The following CABIN1 variants were observed in gnomAD, a reference collection of about 807,000 sequenced individuals.
The protein encoded by CABIN1 is calcineurin binding protein 1.
A neutral mutation model predicts 227.7 loss-of-function variants in CABIN1; 133 were observed. That is an observed-to-expected ratio of 0.58 (90% CI 0.51 to 0.67). The LOEUF is 0.67. Among genes scored for constraint, CABIN1 ranks in the 30% least tolerant of loss-of-function variants. CABIN1 has a pLI of 0.00. For synonymous variants in CABIN1, 1,086 were observed against 1,155.1 expected (o/e 0.94, Z 1.21); for missense variants, 2,408 against 2,852.5 (o/e 0.84, Z 3.55).
At chr22:24,043,354 G>A (rs1601752670) in intron 6 of CABIN1, among the ~76,000 whole-genome samples, 1 of 82,126 alleles carries the variant, frequency 1.2e-5, no homozygotes. Flanking sequence ...TTGTTTGCTT[G>A]ACAGAAGTGG....
intron 12 of CABIN1, among the ~76,000 whole-genome samples, chr22:24,061,428 C>T (rs1026698613): frequency 6.6e-6 from 1 of 152,242 alleles, no homozygotes; most frequent in Non-Finnish European, 1.5e-5. Flanking sequence ...CTCAGGGCAA[C>T]CTCCTGGCAG....
chr22:24,086,194 C>A (rs2041149843), intron 22 of CABIN1, among the ~76,000 whole-genome samples: 2 of 152,258 alleles, frequency 1.3e-5, no homozygotes, highest in African/African-American at 4.8e-5. Flanking sequence ...ATAGAGCAGA[C>A]CTATCTATGC....
rs118183004 is a variant in CABIN1, at chr22:24,032,681, G to A, written c.-74-2763G>A. Reference sequence around the variant, plus strand: ...CTGGCTTTATTTTGCTTTGATAACAGCCTAGATGGAGGGTTTTAATGCTAT... The same window carrying A: ...CTGGCTTTATTTTGCTTTGATAACAACCTAGATGGAGGGTTTTAATGCTAT... On this transcript the variant is annotated intron_variant, in intron 1 of 36. Coordinates refer to ENST00000263119, the MANE Select transcript of CABIN1 (RefSeq NM_012295.4). Among the ~76,000 whole-genome samples the A allele has an allele frequency of 7.5e-3, 1,148 of 152,274 alleles. 6 individuals are homozygous for A. Among genetic ancestry groups the A allele is most frequent in the Non-Finnish European group, 0.011 (781 of 68,022 alleles).
chr22:24,115,832 C>G (rs2043050901), intron 27 of CABIN1, among the ~76,000 whole-genome samples: 1 of 152,218 alleles, frequency 6.6e-6, no homozygotes, highest in Non-Finnish European at 1.5e-5. Context: ...AGAGTCCTAC[C>G]ACCAGCCTGC....
intron 1 of CABIN1, among the ~76,000 whole-genome samples, chr22:24,029,616 C>T (rs1159484902): frequency 1.3e-5 from 2 of 152,110 alleles, no homozygotes; most frequent in East Asian, 3.8e-4. Context: ...TTCAAAGCCC[C>T]CACAGTCTTC....
chr22:24,025,983 G>T (rs2036059594), intron 1 of CABIN1, among the ~76,000 whole-genome samples: 1 of 152,124 alleles, frequency 6.6e-6, no homozygotes, highest in Non-Finnish European at 1.5e-5. Flanking sequence ...ACAGGCATGT[G>T]CCTCCACGCC....
At chr22:24,043,136 C>A in intron 6 of CABIN1, 52 bp downstream of exon 6, 1 of 1,565,228 alleles carries the variant, frequency 6.4e-7, no homozygotes, top group Non-Finnish European at 8.8e-7. Flanking sequence ...TTTGGAACAG[C>A]AGAGGAAAGG....
At chr22:24,116,166 A>T (rs1602169777) in intron 27 of CABIN1, among the ~76,000 whole-genome samples, 1 of 152,094 alleles carries the variant, frequency 6.6e-6, no homozygotes, top group African/African-American at 2.4e-5. Flanking sequence ...GCGGAAGCTC[A>T]CCTTTGCAGG....
chr22:24,177,442 GAT>G lies in CABIN1; in HGVS notation c.6206-60_6206-59del. On this transcript the variant is annotated intron_variant, in intron 35 of 36. Coordinates refer to ENST00000263119, the MANE Select transcript of CABIN1 (RefSeq NM_012295.4). The surrounding 1 kb of genome is among the most constrained non-coding windows in gnomAD (Gnocchi z 4.4). ...ACCTGGGGGGAGCGGGTGGGGGCGAGATAAAGTGCTCACTGTGTGATGCGGCA... is the reference window on the plus strand; with the variant it reads ...ACCTGGGGGGAGCGGGTGGGGGCGAGAAAGTGCTCACTGTGTGATGCGGCA... The G allele has an allele frequency of 7.1e-7, 1 of 1,402,196 alleles. No individual in the cohort carries two copies. Among genetic ancestry groups the G allele is most frequent in the South Asian group, 1.4e-5 (1 of 72,290 alleles). 86.9% of individuals were successfully genotyped at this position (1,402,196 alleles called of 1,614,324 possible).
At chr22:24,087,078 C>T (rs1170537782) in intron 22 of CABIN1, among the ~76,000 whole-genome samples, 1 of 152,220 alleles carries the variant, frequency 6.6e-6, no homozygotes, top group Non-Finnish European at 1.5e-5. Context: ...CACTCCTTTT[C>T]CTCTCCACCA....
intron 28 of CABIN1, among the ~76,000 whole-genome samples, chr22:24,132,540 C>T (rs1267407156): frequency 6.6e-6 from 1 of 152,312 alleles, no homozygotes; most frequent in East Asian, 1.9e-4. Flanking sequence ...CTTTCCAAAG[C>T]CTGGCTGCCA....
At position 24,091,653 on chromosome 22, in the gene CABIN1, G is replaced by A; in HGVS notation, c.3596G>A (p.Gly1199Asp). ...TTCACATCAGCAGCCCGCTGCGAGGGTGATGGTGACGAGGAGGAGTGGCTC... is the reference window on the plus strand; with the variant it reads ...TTCACATCAGCAGCCCGCTGCGAGGATGATGGTGACGAGGAGGAGTGGCTC... Reference protein sequence around the residue: ...HCFTSAARCEGDGDEEEWLIH... With the variant: ...HCFTSAARCEDDGDEEEWLIH... Residue 1199 changes from glycine (G) to aspartate (D), a missense_variant, in exon 24 of 37, where the codon GGT becomes GAT. Gly to Asp is a moderately conservative substitution (Grantham distance 94). Transcript: ENST00000263119. The A allele has an allele frequency of 6.2e-7, 1 of 1,614,252 alleles. No individual in the cohort carries two copies. Among genetic ancestry groups the A allele is most frequent in the Non-Finnish European group, 8.5e-7 (1 of 1,180,048 alleles).
intron 1 of CABIN1, among the ~76,000 whole-genome samples, chr22:24,012,973 CT>C (rs2034939103): frequency 6.6e-6 from 1 of 151,838 alleles, no homozygotes; most frequent in African/African-American, 2.4e-5. Flanking sequence ...ATTGGTCAGG[CT>C]GCTCTCAAAC....
intron 6 of CABIN1, among the ~76,000 whole-genome samples, chr22:24,048,401 G>A (rs1308121555): frequency 6.6e-6 from 1 of 152,048 alleles, no homozygotes; most frequent in African/African-American, 2.4e-5. Flanking sequence ...CAGGTGCCAT[G>A]GTGGGACAGA....
At chr22:24,128,797 C>T (rs942573415) in intron 28 of CABIN1, among the ~76,000 whole-genome samples, 1 of 152,234 alleles carries the variant, frequency 6.6e-6, no homozygotes, top group Non-Finnish European at 1.5e-5. Context: ...CCTGGCAGCC[C>T]TGTGGAGCCC....
Position 24,176,415 on chromosome 22 carries a change from G to A in CABIN1, c.6205+140G>A. The stretch of plus-strand genomic sequence containing the variant: ...GGAATGAGATGGGGAGGAAATGGGG[G>A]TAGTGCAGGCTGGACAGGGGAGCCA... On this transcript the variant is annotated intron_variant, in intron 35 of 36. Coordinates refer to ENST00000263119, the MANE Select transcript of CABIN1 (RefSeq NM_012295.4). The A allele has an allele frequency of 8.0e-6, 8 of 1,000,324 alleles. No individual in the cohort carries two copies. In the South Asian group the frequency reaches 1.1e-4, roughly 14 times the overall value. 62.0% of individuals were successfully genotyped at this position (1,000,324 alleles called of 1,614,324 possible). A position where few individuals can be genotyped will look rare whatever the true frequency, so the allele number is the denominator to read the frequency against.
Position 24,087,759 on chromosome 22 carries a change from A to G in CABIN1, c.3525+46A>G, listed in dbSNP as rs376145548. On this transcript the variant is annotated intron_variant, in intron 23 of 36. Coordinates refer to ENST00000263119, the MANE Select transcript of CABIN1 (RefSeq NM_012295.4). Reference sequence around the variant, plus strand: ...ATGGGCTTGCCATCCTTCTGTCCAGACAGAGTGCCCTCAGGTCAACGAAGC... The same window carrying G: ...ATGGGCTTGCCATCCTTCTGTCCAGGCAGAGTGCCCTCAGGTCAACGAAGC... 4 of 1,609,904 alleles carry G rather than the reference A, an allele frequency of 2.5e-6. No individual in the cohort carries two copies. The African/African-American group carries it at 4.0e-5, about 16-fold the overall frequency.
intron 28 of CABIN1, among the ~76,000 whole-genome samples, chr22:24,130,159 G>A (rs966829985): frequency 5.3e-5 from 8 of 152,224 alleles, no homozygotes; most frequent in South Asian, 2.1e-4. Flanking sequence ...AAAATGTGCC[G>A]TTATCTGGCA....
intron 7 of CABIN1, among the ~76,000 whole-genome samples, chr22:24,050,377 C>T (rs749026131): frequency 1.2e-4 from 19 of 152,136 alleles, no homozygotes; most frequent in Non-Finnish European, 2.2e-4. Context: ...TGAGAGGACA[C>T]GTAGGGCCTC....
Sources: allele counts gnomAD v4.1 joint callset (sites outside exome capture counted in the v4.1 genomes callset), GRCh38; gene constraint gnomAD v4.1.1; non-coding constraint Gnocchi (gnomAD v3.1); transcripts MANE v1.5; gene names NCBI Gene and HGNC (gene_info 2026-07-23, HGNC 2026-07-21).